DOCK9: variants seen among roughly 807,000 people sequenced by gnomAD.
DOCK9 encodes the protein dedicator of cytokinesis protein 9.
A neutral mutation model predicts 263.3 loss-of-function variants in DOCK9; 89 were observed. The ratio of observed to expected loss-of-function variants is 0.34; its 90% CI spans 0.28 to 0.40. The LOEUF is 0.40. DOCK9 is among the 10% of genes least tolerant of loss of function. The probability of loss-of-function intolerance (pLI) is 1.00; values close to 1 mark genes in which losing one functional copy is unlikely to be tolerated. For missense variants in DOCK9, 2,140 were observed against 2,603.4 expected (o/e 0.82, Z 3.87); for synonymous variants, 976 against 973.1 (o/e 1.00, Z -0.06).
chr13:99,062,627 A>G (rs1428077427), intron 1 of DOCK9, among the ~76,000 whole-genome samples: 1 of 152,178 alleles, frequency 6.6e-6, no homozygotes, highest in Non-Finnish European at 1.5e-5. Context: ...GCCTTCTACA[A>G]CAGGATATCG....
At chr13:98,928,945 AT>A (rs1279945720) in intron 3 of DOCK9, among the ~76,000 whole-genome samples, 5 of 152,290 alleles carry the variant, frequency 3.3e-5, no homozygotes, top group Non-Finnish European at 7.4e-5. Context: ...ACACTTAAAA[AT>A]TTTTTAATTT....
chr13:98,919,641 T>C lies in DOCK9; in HGVS notation c.717+1313A>G, dbSNP rs115649221. 3.1e-3 allele frequency among the ~76,000 whole-genome samples: 478 copies of C among 152,276 alleles called. 3 individuals carry two copies. Among genetic ancestry groups the C allele is most frequent in the African/African-American group, 0.011 (459 of 41,552 alleles). On this transcript the variant is annotated intron_variant, in intron 7 of 52. Transcript: ENST00000682017. The stretch of plus-strand genomic sequence containing the variant: ...CTTTTGTGAGGGGTTGTTAGGAAGA[T>C]TGTTCATCAACCACAGAGCCTTCTG...
chr13:98,999,131 A>T (rs1881704953), intron 1 of DOCK9, among the ~76,000 whole-genome samples: 1 of 152,176 alleles, frequency 6.6e-6, no homozygotes, highest in African/African-American at 2.4e-5. Context: ...GACACTGCAG[A>T]TGTGGGGAAT....
intron 51 of DOCK9, 49 bp from the exon 52 acceptor site, chr13:98,797,302 T>C (rs377061411): frequency 3.7e-5 from 59 of 1,612,204 alleles, no homozygotes; most frequent in Non-Finnish European, 4.8e-5. Context: ...GGATAAGGCA[T>C]GAGTCCAACC....
chr13:99,033,230 G>T (rs565717685), intron 1 of DOCK9, among the ~76,000 whole-genome samples: 9 of 152,230 alleles, frequency 5.9e-5, no homozygotes, highest in South Asian at 4.1e-4. Context: ...AGTAGAGAAG[G>T]CAAAAAACAA....
chr13:99,027,157 C>G (rs890570426), intron 1 of DOCK9, among the ~76,000 whole-genome samples: 11 of 152,090 alleles, frequency 7.2e-5, no homozygotes, highest in African/African-American at 2.4e-4. Context: ...GTAGCTGGAA[C>G]TACAGGTGCC....
intron 1 of DOCK9, 77 bp downstream of exon 1, chr13:98,977,707 C>A: frequency 6.9e-7 from 1 of 1,439,422 alleles, no homozygotes; most frequent in Non-Finnish European, 9.4e-7. Context: ...AGGCAACAGG[C>A]GTCAACCCCG....
intron 37 of DOCK9, chr13:98,846,738 G>A (rs1343794858): frequency 2.6e-6 from 1 of 379,446 alleles, no homozygotes; most frequent in Non-Finnish European, 5.1e-6. Flanking sequence ...GGAGAACAGG[G>A]ACATGCATGG....
chr13:98,813,989 G>T (rs891638178), intron 45 of DOCK9, among the ~76,000 whole-genome samples: 1 of 152,162 alleles, frequency 6.6e-6, no homozygotes, highest in African/African-American at 2.4e-5. Context: ...TTTTGAAAAT[G>T]TTTATATCCT....
At chr13:98,923,847 A>G (rs1407167565) in intron 4 of DOCK9, among the ~76,000 whole-genome samples, 2 of 152,204 alleles carry the variant, frequency 1.3e-5, no homozygotes, top group Non-Finnish European at 2.9e-5. Flanking sequence ...GTGCCCTCTC[A>G]TTTAATCCTT....
intron 38 of DOCK9, 89 bp downstream of exon 38, chr13:98,845,835 G>A (rs1594616198): frequency 1.3e-6 from 2 of 1,507,114 alleles, no homozygotes; most frequent in Non-Finnish European, 1.8e-6. Flanking sequence ...AAATTGAGTT[G>A]GTGATGTGGT....
chr13:98,955,163 C>T (rs899980212), intron 2 of DOCK9, among the ~76,000 whole-genome samples: 1 of 151,988 alleles, frequency 6.6e-6, no homozygotes, highest in Non-Finnish European at 1.5e-5. Flanking sequence ...AATACAAAGA[C>T]AAAAATTAGC....
At chr13:98,985,312 C>T (rs577365402) in intron 1 of DOCK9, among the ~76,000 whole-genome samples, 42 of 152,080 alleles carry the variant, frequency 2.8e-4, no homozygotes, top group Non-Finnish European at 5.4e-4. Context: ...TAACATCCTC[C>T]CCCATTTCCC....
rs376663205 is a variant in DOCK9, at chr13:98,898,697, C to T, written c.1504-436G>A. 1.5e-3 allele frequency among the ~76,000 whole-genome samples: 231 copies of T among 152,264 alleles called. 8 individuals carry two copies. In the South Asian group the frequency reaches 0.045, roughly 30 times the overall value. On this transcript the variant is annotated intron_variant, in intron 13 of 52. Transcript: ENST00000682017. ...TACTAAGCTTTCACAGCTCCTAAAG[C>T]GCACTAGCTTATGCTGATTCCCACA...
In DOCK9 at chr13:98,824,380, A is replaced by G. The variant is rs2092434970; in HGVS notation, c.5130+18T>C. ...GATACCCCAGTACCTGAAAGCCCAC[A>G]TGAGTTCAAGCACGCACCTCGTTGA... On this transcript the variant is annotated intron_variant, in intron 45 of 52. Transcript: ENST00000682017. The G allele has an allele frequency of 6.2e-7, 1 of 1,611,358 alleles. No individual in the cohort carries two copies. Among genetic ancestry groups the G allele is most frequent in the African/African-American group, 1.3e-5 (1 of 74,852 alleles).
chr13:99,029,108 C>T (rs1280892100), intron 1 of DOCK9, among the ~76,000 whole-genome samples: 1 of 152,226 alleles, frequency 6.6e-6, no homozygotes, highest in African/African-American at 2.4e-5. Context: ...CCCAGCAACA[C>T]TTCTTCACCA....
At chr13:98,890,839 G>A (rs764479143) in intron 15 of DOCK9, among the ~76,000 whole-genome samples, 4 of 152,136 alleles carry the variant, frequency 2.6e-5, no homozygotes, top group Non-Finnish European at 5.9e-5. Context: ...GTGGCCCATC[G>A]CCAGCTCTAA....
intron 1 of DOCK9, among the ~76,000 whole-genome samples, chr13:99,047,564 GC>G (rs2040495837): frequency 6.7e-6 from 1 of 148,998 alleles, no homozygotes; most frequent in Non-Finnish European, 1.5e-5. Flanking sequence ...AGTCGCCTAG[GC>G]TGGAGTGCAG....
intron 49 of DOCK9, among the ~76,000 whole-genome samples, chr13:98,804,306 G>A (rs963787558): frequency 7.9e-5 from 12 of 152,282 alleles, no homozygotes; most frequent in African/African-American, 2.9e-4. Context: ...GCAGGGATGG[G>A]TCAAGCTCTC....
Sources: allele counts gnomAD v4.1 joint callset (sites outside exome capture counted in the v4.1 genomes callset), GRCh38; gene constraint gnomAD v4.1.1; transcripts MANE v1.5; gene names NCBI Gene and HGNC (gene_info 2026-07-23, HGNC 2026-07-21).